Variants in RGPD2 observed in about 807,000 individuals in gnomAD.
RGPD2 encodes RANBP2 like and GRIP domain containing 2.
A neutral mutation model predicts 36.0 loss-of-function variants in RGPD2; 2 were observed. The ratio of observed to expected loss-of-function variants is 0.06; its 90% confidence interval spans 0.02 to 0.17. The LOEUF is 0.17. Among genes scored for constraint, RGPD2 ranks in the 10% least tolerant of loss-of-function variants. RGPD2 has a pLI of 1.00. For missense variants in RGPD2, 40 were observed against 464.3 expected, an observed-to-expected ratio of 0.09 and a Z score of 8.40; for synonymous variants, 19 against 163.8, an observed-to-expected ratio of 0.12 and a Z score of 6.75.
chr2:87,939,928 C>G, the RGPD2 span, among the ~76,000 whole-genome samples: 1 of 152,082 alleles, frequency 6.6e-6, no homozygotes, highest in Non-Finnish European at 1.5e-5. Flanking sequence ...ACCTACTTAA[C>G]TTCTCCCTAA....
the RGPD2 span, chr2:87,972,769 T>C: frequency 6.2e-7 from 1 of 1,611,450 alleles, no homozygotes; most frequent in African/African-American, 1.3e-5. Flanking sequence ...CCTACCTCTG[T>C]GAGAGTGGTC....
the RGPD2 span, among the ~76,000 whole-genome samples, chr2:87,885,909 T>A: frequency 6.6e-6 from 1 of 152,052 alleles, no homozygotes; most frequent in Non-Finnish European, 1.5e-5. Context: ...CTTCCCTTGC[T>A]ACTCATCACA....
chr2:87,825,362 T>C (rs2104383176), intron 1 of RGPD2, among the ~76,000 whole-genome samples: 1 of 144,472 alleles, frequency 6.9e-6, no homozygotes, highest in African/African-American at 2.5e-5. Flanking sequence ...CTTCTCGGGC[T>C]CCTACGCCGA....
chr2:87,836,307 AAG>A, the RGPD2 span, among the ~76,000 whole-genome samples: 3 of 150,056 alleles, frequency 2.0e-5, no homozygotes, highest in African/African-American at 7.4e-5. Flanking sequence ...GAGAAAGAAA[AAG>A]AGAGAGAGGG....
At chr2:87,809,674 C>G (rs1161533741) in intron 6 of RGPD2, among the ~76,000 whole-genome samples, 2 of 149,556 alleles carry the variant, frequency 1.3e-5, no homozygotes, top group African/African-American at 2.4e-5. Context: ...ACCCACCACC[C>G]TAAGCCACAC....
At chr2:87,864,617 GATAGATAC>G in the RGPD2 span, among the ~76,000 whole-genome samples, 32 of 26,104 alleles carry the variant, frequency 1.2e-3, no homozygotes, top group South Asian at 0.061. Flanking sequence ...TAGATAGATA[GATAGATAC>G]ATAGATGATA....
chr2:87,909,289 A>G, the RGPD2 span, among the ~76,000 whole-genome samples: 1 of 145,810 alleles, frequency 6.9e-6, no homozygotes, highest in Admixed American at 6.9e-5. Context: ...TACAGATATT[A>G]CTAATGCCCT....
the RGPD2 span, among the ~76,000 whole-genome samples, chr2:87,843,077 C>T: frequency 2.0e-4 from 31 of 151,874 alleles, no homozygotes; most frequent in African/African-American, 7.2e-4. Flanking sequence ...GGATTAAAGA[C>T]TTAAACGTTA....
At chr2:87,860,647 T>C in the RGPD2 span, among the ~76,000 whole-genome samples, 5 of 151,978 alleles carry the variant, frequency 3.3e-5, no homozygotes, top group African/African-American at 9.7e-5. Flanking sequence ...TTTGAAAGCT[T>C]CAACAGGCCA....
chr2:87,964,629 C>T, the RGPD2 span, among the ~76,000 whole-genome samples: 11 of 150,942 alleles, frequency 7.3e-5, no homozygotes, highest in Non-Finnish European at 1.5e-4. Flanking sequence ...CTGTGGCAGG[C>T]CAGGTCTCAC....
chr2:87,847,539 A>C, the RGPD2 span, among the ~76,000 whole-genome samples: 4 of 146,570 alleles, frequency 2.7e-5, no homozygotes, highest in South Asian at 8.6e-4. Flanking sequence ...TCACTCTGTC[A>C]CCAGGCTGGA....
At chr2:87,843,962 A>G in the RGPD2 span, among the ~76,000 whole-genome samples, 2 of 152,126 alleles carry the variant, frequency 1.3e-5, no homozygotes, top group Non-Finnish European at 2.9e-5. Flanking sequence ...TGTTGCAAGA[A>G]CAAAAAACCA....
the RGPD2 span, among the ~76,000 whole-genome samples, chr2:87,875,599 G>C: frequency 1.3e-5 from 2 of 152,266 alleles, no homozygotes; most frequent in African/African-American, 2.4e-5. Context: ...TGTGCTCCTG[G>C]ATTTGGTTTG....
At chr2:87,955,202 G>A in the RGPD2 span, among the ~76,000 whole-genome samples, 2 of 132,954 alleles carry the variant, frequency 1.5e-5, no homozygotes, top group Non-Finnish European at 3.2e-5. Flanking sequence ...TTTTAGTAGA[G>A]ACAGGGTTTC....
chr2:87,824,696 A>C (rs1686537861), intron 1 of RGPD2, among the ~76,000 whole-genome samples: 1 of 118,956 alleles, frequency 8.4e-6, no homozygotes, highest in Non-Finnish European at 1.7e-5. Context: ...AGTGTAAGAG[A>C]GGTGAGGCCG....
chr2:87,968,800 A>T, the RGPD2 span: 1 of 182,972 alleles, frequency 5.5e-6, no homozygotes, highest in East Asian at 1.8e-4. Context: ...CCTATGCAAG[A>T]TCAGCAAGTG....
At chr2:87,886,295 T>C in the RGPD2 span, among the ~76,000 whole-genome samples, 57 of 152,050 alleles carry the variant, frequency 3.7e-4, no homozygotes, top group East Asian at 0.011. Flanking sequence ...CCCTTTTCAT[T>C]GCAGTCTTCC....
the RGPD2 span, among the ~76,000 whole-genome samples, chr2:87,876,335 G>A: frequency 6.6e-6 from 1 of 151,918 alleles, no homozygotes; most frequent in African/African-American, 2.4e-5. Context: ...GTTAACTTGA[G>A]TTCTTTTTAA....
At chr2:87,836,837 G>C in the RGPD2 span, among the ~76,000 whole-genome samples, 15 of 152,102 alleles carry the variant, frequency 9.9e-5, no homozygotes, top group Admixed American at 9.8e-4. Context: ...CTTCAAAATA[G>C]CCATCTGACA....
Sources: allele counts gnomAD v4.1 joint callset (sites outside exome capture counted in the v4.1 genomes callset), GRCh38; gene constraint gnomAD v4.1.1; transcripts MANE v1.5; gene names NCBI Gene and HGNC (gene_info 2026-07-23, HGNC 2026-07-21).